The following FMN1 variants were observed in gnomAD, a reference collection of about 807,000 sequenced individuals.
FMN1 encodes the protein formin 1.
A neutral mutation model predicts 132.4 loss-of-function variants in FMN1; 110 were observed. The observed-to-expected ratio is 0.83, with a 90% CI of 0.71 to 0.97. FMN1 has a LOEUF of 0.97. Among genes scored for constraint, FMN1 ranks in the 50% least tolerant of loss-of-function variants. FMN1 has a pLI of 0.00. For missense variants in FMN1, 1,792 were observed against 1,705.3 expected (o/e 1.05, Z -0.90); for synonymous variants, 722 against 651.7 (o/e 1.11, Z -1.64).
At chr15:33,037,279 G>A (rs1021045425) in intron 6 of FMN1, among the ~76,000 whole-genome samples, 2 of 152,162 alleles carry the variant, frequency 1.3e-5, no homozygotes, top group East Asian at 1.9e-4. Context: ...CCCTGGTAGA[G>A]ATGCTTACAG....
chr15:32,888,736 C>G (rs1426762914), intron 15 of FMN1, among the ~76,000 whole-genome samples: 1 of 152,122 alleles, frequency 6.6e-6, no homozygotes, highest in East Asian at 1.9e-4. Context: ...GAAGGCACTG[C>G]AATGGAAGAT....
At chr15:33,013,658 G>T (rs2034868871) in intron 6 of FMN1, among the ~76,000 whole-genome samples, 1 of 152,068 alleles carries the variant, frequency 6.6e-6, no homozygotes, top group Non-Finnish European at 1.5e-5. Flanking sequence ...TATCAATATA[G>T]GCAAAACAGA....
At chr15:33,178,820 C>A (rs1280228740) in intron 3 of FMN1, among the ~76,000 whole-genome samples, 1 of 152,184 alleles carries the variant, frequency 6.6e-6, no homozygotes, top group Non-Finnish European at 1.5e-5. Flanking sequence ...CCAATACACC[C>A]TGCCTTCTAT....
In FMN1 at chr15:33,033,189, C is replaced by T. The variant is rs545460200; in HGVS notation, c.2162-25114G>A. Among the ~76,000 whole-genome samples, 219 of 152,192 alleles carry T rather than the reference C, an allele frequency of 1.4e-3. 1 individual carries two copies. Among genetic ancestry groups the T allele is most frequent in the Admixed American group, 2.3e-3 (35 of 15,276 alleles). ...GGGACTACAGGTGCCCGCCACCACA[C>T]GCGGCTAATTTTTTGTATTTTTAGT... On this transcript the variant is annotated intron_variant, in intron 6 of 20. Transcript: ENST00000616417.
intron 9 of FMN1, among the ~76,000 whole-genome samples, chr15:32,953,399 C>A (rs1361292433): frequency 1.3e-5 from 2 of 152,304 alleles, no homozygotes; most frequent in African/African-American, 4.8e-5. Context: ...AACTCAGAGT[C>A]AGGCTGGGAT....
chr15:33,156,211 A>C, intron 3 of FMN1, among the ~76,000 whole-genome samples: 1 of 151,602 alleles, frequency 6.6e-6, no homozygotes, highest in East Asian at 1.9e-4. Flanking sequence ...CCAGAATGCC[A>C]GGAGACCAGG....
At chr15:32,785,775 A>G (rs561848493) in intron 19 of FMN1, among the ~76,000 whole-genome samples, 1 of 152,278 alleles carries the variant, frequency 6.6e-6, no homozygotes, top group South Asian at 2.1e-4. Context: ...ACTAAAATTA[A>G]TCACCGCTCG....
At chr15:33,029,488 G>A (rs2035836046) in intron 6 of FMN1, among the ~76,000 whole-genome samples, 1 of 151,956 alleles carries the variant, frequency 6.6e-6, no homozygotes, top group African/African-American at 2.4e-5. Flanking sequence ...AGGGATGGAG[G>A]ACCTGTTTGT....
intron 17 of FMN1, among the ~76,000 whole-genome samples, chr15:32,834,180 G>C (rs1381334937): frequency 6.6e-6 from 1 of 152,118 alleles, no homozygotes; most frequent in African/African-American, 2.4e-5. Flanking sequence ...TTAAACTTCT[G>C]TCTGGTTCTT....
At chr15:32,778,224 AT>A (rs1290623671) in intron 19 of FMN1, among the ~76,000 whole-genome samples, 2 of 141,002 alleles carry the variant, frequency 1.4e-5, no homozygotes, top group African/African-American at 5.2e-5. Context: ...TATATAATAC[AT>A]TTATTTATAT....
chr15:32,803,836 A>T (rs948404630), intron 18 of FMN1, among the ~76,000 whole-genome samples: 1 of 152,214 alleles, frequency 6.6e-6, no homozygotes, highest in Non-Finnish European at 1.5e-5. Context: ...CACGCATGTG[A>T]GGCAGGTGAG....
chr15:33,164,507 C>T (rs971755870), intron 3 of FMN1, among the ~76,000 whole-genome samples: 1 of 152,128 alleles, frequency 6.6e-6, no homozygotes, highest in Non-Finnish European at 1.5e-5. Flanking sequence ...ATTTTTTGAC[C>T]TACAAACCAA....
At chr15:33,112,124 G>A (rs927855469) in intron 4 of FMN1, among the ~76,000 whole-genome samples, 5 of 152,012 alleles carry the variant, frequency 3.3e-5, no homozygotes, top group African/African-American at 9.7e-5. Context: ...TTTAACCACA[G>A]CATTTTTATT....
chr15:32,988,693 C>A (rs370912908), intron 7 of FMN1, among the ~76,000 whole-genome samples: 28 of 152,182 alleles, frequency 1.8e-4, no homozygotes, highest in African/African-American at 6.8e-4. Flanking sequence ...AGTAACCAGA[C>A]GGTGAATCTT....
intron 16 of FMN1, among the ~76,000 whole-genome samples, chr15:32,858,667 A>G (rs1348192403): frequency 1.3e-5 from 2 of 152,238 alleles, no homozygotes; most frequent in Non-Finnish European, 2.9e-5. Flanking sequence ...GGCAAAGACT[A>G]ATTTTTTAAA....
At chr15:32,991,233 C>T (rs576229296) in intron 7 of FMN1, among the ~76,000 whole-genome samples, 8 of 152,280 alleles carry the variant, frequency 5.3e-5, no homozygotes, top group African/African-American at 1.9e-4. Context: ...CCAGAATCTC[C>T]TGGGTCCCTG....
intron 4 of FMN1, among the ~76,000 whole-genome samples, chr15:33,101,598 T>A (rs1435524884): frequency 6.6e-6 from 1 of 152,090 alleles, no homozygotes; most frequent in Non-Finnish European, 1.5e-5. Flanking sequence ...CTAACTCAAA[T>A]CCCAGTCTGA....
chr15:33,110,705 T>C (rs112686298), intron 4 of FMN1, among the ~76,000 whole-genome samples: 4,081 of 151,930 alleles, frequency 0.027, 191 homozygotes, highest in African/African-American at 0.093. Context: ...ATTAAAGCAT[T>C]TTGATGACTA....
rs1269977047 is a variant in FMN1 at position 32,884,832 on chromosome 15, T to C, written c.3835+3340A>G. On this transcript the variant is annotated intron_variant, in intron 16 of 20. Transcript: ENST00000616417. Reference sequence around the variant, plus strand: ...CAAGAACTTGGTTCTCTCTTTACAATGTAGAGAAGCAAGCACAAGTGCTCT... The same window carrying C: ...CAAGAACTTGGTTCTCTCTTTACAACGTAGAGAAGCAAGCACAAGTGCTCT... Among the ~76,000 whole-genome samples the C allele has an allele frequency of 2.6e-5, 4 of 152,188 alleles. No homozygotes were observed. In the East Asian group the frequency reaches 5.8e-4, roughly 22 times the overall value.
Sources: allele counts gnomAD v4.1 joint callset (sites outside exome capture counted in the v4.1 genomes callset), GRCh38; gene constraint gnomAD v4.1.1; transcripts MANE v1.5; gene names NCBI Gene and HGNC (gene_info 2026-07-23, HGNC 2026-07-21).